IL27RA: variants seen among roughly 807,000 people sequenced by gnomAD.
The protein encoded by IL27RA is interleukin 27 receptor subunit alpha, also known as interleukin-27 receptor subunit alpha.
In IL27RA, 61 loss-of-function variants were observed where a neutral mutation model predicts 80.8. The ratio of observed to expected loss-of-function variants is 0.76; its 90% confidence interval spans 0.61 to 0.93. The LOEUF (loss-of-function observed/expected upper bound fraction) is 0.93. IL27RA is among the 40% of genes least tolerant of loss of function. The pLI is 0.00. For synonymous variants in IL27RA, 316 were observed against 332.5 expected (o/e 0.95, Z 0.54); for missense variants, 735 against 808.1 (o/e 0.91, Z 1.10).
At position 14,039,778 on chromosome 19, in the gene IL27RA, C is replaced by A. The variant is rs1975963038; in HGVS notation, c.402C>A (p.Gly134=). The A allele has an allele frequency of 6.2e-7, 1 of 1,614,102 alleles. No homozygotes were observed. The highest frequency in any genetic ancestry group is 2.2e-5 in the East Asian group (1 of 44,884). ...TQMKPNAPRL[G]PDVDFSEDDP... is the part of the protein sequence containing the mutation. ...TGAAGCCAAACGCCCCCCGGCTGGG[C>A]CCTGACGTGGACTTTTCCGAGGATG... Residue 134 remains glycine, a synonymous_variant, in exon 4 of 14, where the codon GGC becomes GGA. Transcript: ENST00000263379.
intron 8 of IL27RA, among the ~76,000 whole-genome samples, chr19:14,047,922 A>G (rs1412343400): frequency 6.7e-6 from 1 of 148,748 alleles, no homozygotes; most frequent in Non-Finnish European, 1.5e-5. Context: ...TCAGCCTCCC[A>G]AAGTGCTGGG....
At chr19:14,051,002 A>G (rs1976154338) in intron 11 of IL27RA, 119 bp downstream of exon 11, 9 of 1,065,934 alleles carry the variant, frequency 8.4e-6, no homozygotes, top group Non-Finnish European at 1.0e-5. Flanking sequence ...TAATCCTAAC[A>G]CTCTGGGAGG....
intron 6 of IL27RA, among the ~76,000 whole-genome samples, chr19:14,044,003 G>C (rs920258631): frequency 2.8e-5 from 4 of 142,942 alleles, no homozygotes; most frequent in African/African-American, 8.2e-5. Flanking sequence ...AGCTGAGCTC[G>C]AGCCACTGCA....
intron 8 of IL27RA, among the ~76,000 whole-genome samples, chr19:14,046,858 G>A (rs1014172887): frequency 4.6e-5 from 7 of 151,738 alleles, no homozygotes; most frequent in Admixed American, 6.6e-5. Context: ...TTAGTGGGGC[G>A]TGGTGGCACA....
At chr19:14,036,489 CT>C (rs34609073) in intron 2 of IL27RA, among the ~76,000 whole-genome samples, 1,986 of 135,284 alleles carry the variant, frequency 0.015, 29 homozygotes, top group African/African-American at 0.047. Context: ...ACAGGATTTC[CT>C]TTTTTTTTTT....
chr19:14,042,446 C>T lies in IL27RA; in HGVS notation c.535-7C>T, dbSNP rs755221126. ...GGGCCCATCACGCTCGCCTGTCTCT[C>T]CCCCAGCTGGAACCGGAGCTGAAGA... On this transcript the variant is annotated splice_polypyrimidine_tract_variant and splice_region_variant and intron_variant, in intron 4 of 13. Transcript: ENST00000263379. 2.5e-6 allele frequency: 4 copies of T among 1,613,162 alleles called. No homozygotes were observed. The highest frequency in any genetic ancestry group is 3.4e-6 in the Non-Finnish European group (4 of 1,179,348).
chr19:14,034,402 G>A (rs149251122), intron 2 of IL27RA, among the ~76,000 whole-genome samples: 5,159 of 152,134 alleles, frequency 0.034, 136 homozygotes, highest in Middle Eastern at 0.082. Context: ...GCTCACGCCT[G>A]TAATCCCAGC....
chr19:14,050,507 A>G lies in IL27RA; in HGVS notation c.1403-251A>G, dbSNP rs560782315. 2.7e-4 allele frequency among the ~76,000 whole-genome samples: 27 copies of G among 101,454 alleles called. No homozygotes were observed. The Admixed American group carries it at 3.1e-3, about 11-fold the overall frequency. The allele number at this position is 101,454 out of a possible 152,430, so 66.6% of individuals were successfully genotyped here. A position where few individuals can be genotyped will look rare whatever the true frequency, so the allele number is the denominator to read the frequency against. On this transcript the variant is annotated intron_variant, in intron 10 of 13. Transcript: ENST00000263379. ...ACAGAGTGTTACAGAGCGAGACTTC[A>G]TGTCAAAAAAAAAAAAAAAAAAAGA...
chr19:14,035,524 T>C (rs1221856760), intron 2 of IL27RA, among the ~76,000 whole-genome samples: 2 of 151,426 alleles, frequency 1.3e-5, no homozygotes, highest in Non-Finnish European at 2.9e-5. Context: ...GCCTCCAGAG[T>C]AGTTGGGATT....
chr19:14,046,570 C>T lies in IL27RA; in HGVS notation c.1093C>T (p.Leu365Phe), dbSNP rs754116782. 3.1e-6 allele frequency: 5 copies of T among 1,613,642 alleles called. No homozygotes were observed. In the South Asian group the frequency reaches 5.5e-5, roughly 18 times the overall value. ...TCGAGATGGGGACCCCCTGGAGAAA[C>T]TCAACTGGGTCCGGCTTCCCCCTGG... ...WARDGDPLEK[L>F]NWVRLPPGNL... The change falls in exon 8 of 14, where the codon CTC (leucine) becomes TTC (phenylalanine). Residue 365 changes from leucine to phenylalanine, a missense_variant. By Grantham distance (22) the Leu-to-Phe change is conservative. Transcript: ENST00000263379.
chr19:14,049,438 C>T (rs1855221085), intron 10 of IL27RA, 124 bp downstream of exon 10: 1 of 861,750 alleles, frequency 1.2e-6, no homozygotes, highest in Non-Finnish European at 1.7e-6. Flanking sequence ...GTCCTCAATT[C>T]CCTCTTGGCT....
rs1975817097 is a variant in IL27RA, at chr19:14,031,817, C to G, written c.-56C>G. Reference sequence around the variant, plus strand: ...GTACCCAGAGCTCGAAGAGGAGCAGCGCGGCCGCGCGGACCCGGCAAGGCT... The same window carrying G: ...GTACCCAGAGCTCGAAGAGGAGCAGGGCGGCCGCGCGGACCCGGCAAGGCT... On this transcript the variant is annotated 5_prime_UTR_variant, in exon 1 of 14. Coordinates refer to ENST00000263379, the MANE Select transcript of IL27RA (RefSeq NM_004843.4). 7.0e-7 allele frequency: 1 copy of G among 1,435,488 alleles called. No homozygotes were observed. The highest frequency in any genetic ancestry group is 2.1e-5 in the Admixed American group (1 of 48,648). The allele number at this position is 1,435,488 out of a possible 1,614,324, so 88.9% of individuals were successfully genotyped here.
Position 14,052,784 on chromosome 19 carries a change from T to A in IL27RA, c.*494T>A, listed in dbSNP as rs1258075705. The stretch of plus-strand genomic sequence containing the variant: ...GTCCGAGCCACTTGGGAGGCTGAGG[T>A]GGGAGGATCGGTTGAGCCCAGGAGT... On this transcript the variant is annotated 3_prime_UTR_variant, in exon 14 of 14. Transcript: ENST00000263379. The A allele has an allele frequency of 6.6e-6, 1 of 151,526 alleles. No individual in the cohort carries two copies. The highest frequency in any genetic ancestry group is 1.5e-5 in the Non-Finnish European group (1 of 68,274). The allele number at this position is 151,526 out of a possible 1,614,324, so 9.4% of individuals were successfully genotyped here. A position where few individuals can be genotyped will look rare whatever the true frequency, so the allele number is the denominator to read the frequency against.
At chr19:14,042,283 T>C (rs1451778815) in intron 4 of IL27RA, among the ~76,000 whole-genome samples, 170 bp from the exon 5 acceptor site, 1 of 151,708 alleles carries the variant, frequency 6.6e-6, no homozygotes, top group African/African-American at 2.4e-5. Context: ...GGAGAATTGC[T>C]TGAACCCAGG....
intron 2 of IL27RA, among the ~76,000 whole-genome samples, chr19:14,038,224 A>G (rs1461019636): frequency 6.6e-6 from 1 of 151,542 alleles, no homozygotes; most frequent in Non-Finnish European, 1.5e-5. Context: ...CATGACTGCA[A>G]CTCAACCTCC....
At chr19:14,036,517 C>A (rs1446033508) in intron 2 of IL27RA, among the ~76,000 whole-genome samples, 17 of 135,426 alleles carry the variant, frequency 1.3e-4, no homozygotes, top group African/African-American at 4.9e-4. Flanking sequence ...GAGACAGAAT[C>A]TGGCTCTGTC....
chr19:14,036,408 G>A (rs1975899563), intron 2 of IL27RA, among the ~76,000 whole-genome samples: 1 of 151,826 alleles, frequency 6.6e-6, no homozygotes, highest in African/African-American at 2.4e-5. Context: ...GAAAACATGT[G>A]GTGTTTGTCT....
chr19:14,038,134 T>C (rs974279081), intron 2 of IL27RA, among the ~76,000 whole-genome samples: 3 of 151,552 alleles, frequency 2.0e-5, no homozygotes, highest in Non-Finnish European at 4.4e-5. Flanking sequence ...CTGGCCTGTC[T>C]CTCTCTTTCT....
chr19:14,038,532 C>A (rs1442399449), intron 2 of IL27RA, among the ~76,000 whole-genome samples: 1 of 143,460 alleles, frequency 7.0e-6, no homozygotes, highest in Admixed American at 7.2e-5. Flanking sequence ...GATCTATGAT[C>A]GCACTGCTCC....
Sources: gnomAD v4.1 joint callset for allele counts (sites outside exome capture counted in the v4.1 genomes callset) on GRCh38, gnomAD v4.1.1 for gene constraint, MANE v1.5 for transcripts, NCBI Gene and HGNC (gene_info 2026-07-23, HGNC 2026-07-21) for gene names.